The following ZNF385D variants were observed in gnomAD, a reference collection of about 807,000 sequenced individuals.
The protein encoded by ZNF385D is zinc finger protein 385D, also known as zinc finger protein 659.
A neutral mutation model predicts 35.8 loss-of-function variants in ZNF385D; 15 were observed. The observed-to-expected ratio is 0.42, with a 90% CI of 0.28 to 0.64. ZNF385D has a LOEUF of 0.64. ZNF385D is among the 30% of genes least tolerant of loss of function. ZNF385D has a pLI of 0.23. For synonymous variants in ZNF385D, 212 were observed against 186.8 expected (o/e 1.13, Z -1.10); for missense variants, 474 against 494.6 (o/e 0.96, Z 0.39).
intron 4 of ZNF385D, among the ~76,000 whole-genome samples, chr3:21,487,293 G>T (rs1705104461): frequency 8.9e-6 from 1 of 112,398 alleles, no homozygotes; most frequent in Non-Finnish European, 2.0e-5. Flanking sequence ...ACATTGTAGT[G>T]GGTTTTTTTT....
chr3:22,068,523 AC>A (rs1185212981), intron 3 of ZNF385D, among the ~76,000 whole-genome samples: 1 of 152,040 alleles, frequency 6.6e-6, no homozygotes, highest in East Asian at 1.9e-4. Flanking sequence ...CCAATTTAAA[AC>A]TTTTTATTAT....
At chr3:21,707,054 A>C (rs2067931877) in intron 1 of ZNF385D, among the ~76,000 whole-genome samples, 1 of 152,206 alleles carries the variant, frequency 6.6e-6, no homozygotes, top group Admixed American at 6.5e-5. Flanking sequence ...AATAAAACCC[A>C]GATGTGATTC....
At chr3:21,904,697 T>C (rs1486505389) in intron 3 of ZNF385D, among the ~76,000 whole-genome samples, 3 of 152,180 alleles carry the variant, frequency 2.0e-5, no homozygotes, top group African/African-American at 7.2e-5. Flanking sequence ...GGAAATTCTC[T>C]CTTCTGTTAT....
At chr3:21,938,097 G>A (rs982510736) in intron 3 of ZNF385D, among the ~76,000 whole-genome samples, 3 of 152,188 alleles carry the variant, frequency 2.0e-5, no homozygotes, top group African/African-American at 7.2e-5. Flanking sequence ...CCAATGCATA[G>A]AATATTGTAG....
chr3:21,577,812 CTTTTTTTTT>C (rs779083360), intron 2 of ZNF385D, among the ~76,000 whole-genome samples: 1 of 133,570 alleles, frequency 7.5e-6, no homozygotes, highest in Non-Finnish European at 1.6e-5. Context: ...TATTTTTTTT[CTTTTTTTTT>C]TTTTTCGAGA....
intron 3 of ZNF385D, among the ~76,000 whole-genome samples, chr3:22,043,078 T>G (rs553063575): frequency 6.7e-6 from 1 of 149,616 alleles, no homozygotes; most frequent in Non-Finnish European, 1.5e-5. Context: ...CGATCATTCC[T>G]TGACATTTTT....
intron 2 of ZNF385D, among the ~76,000 whole-genome samples, chr3:22,323,626 T>G (rs1266994784): frequency 1.3e-5 from 2 of 152,196 alleles, no homozygotes; most frequent in East Asian, 1.9e-4. Context: ...GTTTTATTCT[T>G]AAAGATAATT....
At chr3:21,889,059 C>T (rs952202091) in intron 3 of ZNF385D, among the ~76,000 whole-genome samples, 1 of 152,152 alleles carries the variant, frequency 6.6e-6, no homozygotes, top group Non-Finnish European at 1.5e-5. Flanking sequence ...ATGAGATGTA[C>T]AGTAAGGACA....
chr3:21,639,979 C>G (rs1045150369), intron 2 of ZNF385D, among the ~76,000 whole-genome samples: 18 of 151,996 alleles, frequency 1.2e-4, no homozygotes, highest in South Asian at 2.1e-4. Context: ...AATGATCTTT[C>G]TGGATTATTC....
At chr3:22,363,375 G>A (rs559889477) in intron 2 of ZNF385D, among the ~76,000 whole-genome samples, 19 of 152,196 alleles carry the variant, frequency 1.2e-4, no homozygotes, top group Admixed American at 2.6e-4. Flanking sequence ...AAATGGATAG[G>A]GCATTGTCTA....
intron 3 of ZNF385D, among the ~76,000 whole-genome samples, chr3:22,127,437 T>G (rs1703503897): frequency 6.8e-6 from 1 of 146,866 alleles, no homozygotes. Flanking sequence ...CTTCCTGGCT[T>G]CAAGCGATTC....
chr3:22,016,348 G>A (rs1358508380), intron 3 of ZNF385D, among the ~76,000 whole-genome samples: 4 of 152,074 alleles, frequency 2.6e-5, no homozygotes, highest in African/African-American at 9.7e-5. Context: ...TGGCATTAGT[G>A]CTGAGGCTGC....
At chr3:21,849,761 T>C (rs1696265116) in intron 3 of ZNF385D, 1 of 151,974 alleles carries the variant, frequency 6.6e-6, no homozygotes, top group Non-Finnish European at 1.5e-5. Flanking sequence ...TAATTGAATA[T>C]TATTGAGTAG....
At chr3:21,526,237 G>A (rs927137974) in intron 3 of ZNF385D, among the ~76,000 whole-genome samples, 1 of 152,044 alleles carries the variant, frequency 6.6e-6, no homozygotes, top group African/African-American at 2.4e-5. Context: ...ATTGTAGAGT[G>A]CCTGTTCCTT....
At chr3:22,066,320 A>ATGTGTGTG (rs10627613) in intron 3 of ZNF385D, among the ~76,000 whole-genome samples, 72,707 of 149,130 alleles carry the variant, frequency 0.49, 18,720 homozygotes, top group African/African-American at 0.68. Flanking sequence ...GTGTGTGTGT[A>ATGTGTGTG]TGTGTGTGTA....
At chr3:21,840,130 A>G (rs1427895300) in intron 3 of ZNF385D, among the ~76,000 whole-genome samples, 1 of 152,106 alleles carries the variant, frequency 6.6e-6, no homozygotes, top group African/African-American at 2.4e-5. Flanking sequence ...CAGATAATCA[A>G]AAGCCTAAAT....
chr3:21,962,882 T>G (rs1191506883), intron 3 of ZNF385D, among the ~76,000 whole-genome samples: 1 of 152,234 alleles, frequency 6.6e-6, no homozygotes, highest in Admixed American at 6.5e-5. Flanking sequence ...CAAGACATCT[T>G]GGAGTCACCA....
At chr3:22,087,532 C>A (rs1036657835) in intron 3 of ZNF385D, among the ~76,000 whole-genome samples, 2 of 152,092 alleles carry the variant, frequency 1.3e-5, no homozygotes, top group Non-Finnish European at 2.9e-5. Flanking sequence ...AACATGATGA[C>A]TGGAACCAGG....
chr3:22,205,477 T>C (rs75839968), intron 2 of ZNF385D, among the ~76,000 whole-genome samples: 2 of 151,874 alleles, frequency 1.3e-5, no homozygotes, highest in African/African-American at 4.8e-5. Context: ...GAAAAAGACA[T>C]AATATAGCAC....
Sources: gnomAD v4.1 joint callset for allele counts (sites outside exome capture counted in the v4.1 genomes callset) on GRCh38, gnomAD v4.1.1 for gene constraint, MANE v1.5 for transcripts, NCBI Gene and HGNC (gene_info 2026-07-23, HGNC 2026-07-21) for gene names.